The following DENND3 variants were observed in gnomAD, a reference collection of about 807,000 sequenced individuals.
The protein encoded by DENND3 is DENN domain containing 3, also known as DENN domain-containing protein 3.
Under a neutral mutation model 135.1 loss-of-function variants are expected in DENND3, and 88 were observed. The ratio of observed to expected loss-of-function variants is 0.65; its 90% CI spans 0.55 to 0.78. The LOEUF is 0.78. Ranked by LOEUF, DENND3 falls within the 30% of genes least tolerant of loss-of-function variation. The pLI is 0.00. For missense variants in DENND3, 1,392 were observed against 1,688.4 expected, an observed-to-expected ratio of 0.82 and a Z score of 3.08; for synonymous variants, 693 against 712.3, an observed-to-expected ratio of 0.97 and a Z score of 0.43.
chr8:141,131,651 A>G (rs925899854), intron 1 of DENND3, among the ~76,000 whole-genome samples: 1 of 152,246 alleles, frequency 6.6e-6, no homozygotes, highest in African/African-American at 2.4e-5. Flanking sequence ...TATTCCCTTA[A>G]TAATGGCCAA....
At chr8:141,191,036 T>C (rs1824681578) in intron 20 of DENND3, among the ~76,000 whole-genome samples, 1 of 152,272 alleles carries the variant, frequency 6.6e-6, no homozygotes, top group Admixed American at 6.5e-5. Context: ...TATGTTTTCT[T>C]TTTTGTAATG....
In DENND3 at chr8:141,176,726, A is replaced by G; in HGVS notation, c.2671A>G (p.Met891Val). ...CDLWHLMVKE[M>V]WAGKKLADDH... ...CCTTTGGCACCTGATGGTGAAGGAG[A>G]TGTGGGCTGGGAAGAAGCTGGCCGA... Residue 891 changes from methionine (M) to valine (V), a missense_variant, in exon 15 of 23, where the codon ATG (methionine) becomes GTG (valine). Coordinates refer to ENST00000519811, the MANE Select transcript of DENND3 (RefSeq NM_001352890.3). 1 of 1,614,016 alleles carries G rather than the reference A, an allele frequency of 6.2e-7. No homozygotes were observed. Among genetic ancestry groups the G allele is most frequent in the South Asian group, 1.1e-5 (1 of 91,076 alleles).
At chr8:141,192,830 C>A in intron 22 of DENND3, 167 bp downstream of exon 22, 1 of 1,549,384 alleles carries the variant, frequency 6.5e-7, no homozygotes, top group Non-Finnish European at 8.7e-7. Flanking sequence ...AACGGGCCCA[C>A]AGGTCACCAT....
intron 18 of DENND3, chr8:141,188,429 C>G (rs1426011120): frequency 6.6e-6 from 1 of 152,330 alleles, no homozygotes; most frequent in African/African-American, 2.4e-5. Flanking sequence ...CTAATATTTA[C>G]TTGTAACTCC....
Position 141,160,855 on chromosome 8 carries a change from G to A in DENND3, c.1352+68G>A, listed in dbSNP as rs537463743. 4.5e-6 allele frequency: 7 copies of A among 1,540,546 alleles called. No individual in the cohort carries two copies. The South Asian group carries it at 7.2e-5, about 16-fold the overall frequency. On this transcript the variant is annotated intron_variant, in intron 9 of 22. Coordinates refer to ENST00000519811, the MANE Select transcript of DENND3 (RefSeq NM_001352890.3). ...GCCAGCCATCCATTCTATGGGGATC[G>A]TGCACCCCGCCCCAGAGGGCAGGCC... is the stretch of plus-strand genomic sequence containing the variant.
intron 20 of DENND3, 129 bp from the exon 21 acceptor site, chr8:141,192,202 G>A: frequency 7.7e-7 from 1 of 1,305,248 alleles, no homozygotes; most frequent in Non-Finnish European, 1.0e-6. Context: ...GCATTCCTCA[G>A]GCGCCAGGTG....
chr8:141,187,321 C>T (rs903297733), intron 18 of DENND3, among the ~76,000 whole-genome samples: 65 of 151,232 alleles, frequency 4.3e-4, no homozygotes, highest in Admixed American at 1.2e-3. Context: ...GTGGCACAAT[C>T]GCTGCTTACT....
chr8:141,181,305 C>T (rs536557355), intron 17 of DENND3, among the ~76,000 whole-genome samples: 2 of 152,300 alleles, frequency 1.3e-5, no homozygotes, highest in South Asian at 2.1e-4. Context: ...ACCCCAGGCA[C>T]CCGCCACCAT....
intron 17 of DENND3, 24 bp downstream of exon 17, chr8:141,180,878 C>T (rs756825712): frequency 5.2e-5 from 83 of 1,590,104 alleles, no homozygotes; most frequent in Middle Eastern, 1.7e-4. Flanking sequence ...GCCCGCGCCT[C>T]GCTGCCAGTT....
chr8:141,150,259 C>G, intron 5 of DENND3: 1 of 1,232,014 alleles, frequency 8.1e-7, no homozygotes, highest in Non-Finnish European at 1.0e-6. Context: ...AGGAACTGAA[C>G]CTTCTCCTCT....
chr8:141,151,312 G>A (rs1818771861), intron 6 of DENND3, among the ~76,000 whole-genome samples: 1 of 152,142 alleles, frequency 6.6e-6, no homozygotes. Context: ...TGTAATCCCA[G>A]TACTTTGGGA....
chr8:141,195,188 C>T lies in DENND3; in HGVS notation c.*955C>T, dbSNP rs934112159. On this transcript the variant is annotated 3_prime_UTR_variant, in exon 23 of 23. Transcript: ENST00000519811. ...TGTACATAAATATTTGTAAAAGAGA[C>T]CCTTTGCACCTTTTTACTGTAATGT... 2.3e-4 allele frequency: 35 copies of T among 152,264 alleles called. No individual in the cohort carries two copies. The highest frequency in any genetic ancestry group is 7.0e-4 in the African/African-American group (29 of 41,460). 9.4% of individuals were successfully genotyped at this position (152,264 alleles called of 1,614,324 possible). A position where few individuals can be genotyped will look rare whatever the true frequency, so the allele number is the denominator to read the frequency against.
At chr8:141,192,059 C>A in intron 20 of DENND3, 1 of 364,992 alleles carries the variant, frequency 2.7e-6, no homozygotes. Context: ...TTTGCTTAAG[C>A]AGTCAATGAT....
chr8:141,142,622 G>A (rs1482603190), intron 4 of DENND3: 8 of 310,138 alleles, frequency 2.6e-5, no homozygotes, highest in African/African-American at 4.6e-5. Context: ...TGACTTGGTC[G>A]TAGCCAATGA....
At chr8:141,159,385 G>T (rs951691137) in intron 8 of DENND3, among the ~76,000 whole-genome samples, 3 of 152,158 alleles carry the variant, frequency 2.0e-5, no homozygotes, top group Non-Finnish European at 4.4e-5. Context: ...ATGCTGGGCC[G>T]CACTGGGTCC....
rs189051535 is a variant in DENND3 at position 141,149,242 on chromosome 8, T to C, written c.736-1592T>C. Among the ~76,000 whole-genome samples, 24 of 152,350 alleles carry C rather than the reference T, an allele frequency of 1.6e-4. No homozygotes were observed. The East Asian group carries it at 4.2e-3, about 27-fold the overall frequency. On this transcript the variant is annotated intron_variant, in intron 5 of 22. Transcript: ENST00000519811. ...CCTTATTTTTAACATGGCTTGCTTCTGTACACAAATTGGTAACAAGAAAGC... is the reference window on the plus strand; with the variant it reads ...CCTTATTTTTAACATGGCTTGCTTCCGTACACAAATTGGTAACAAGAAAGC...
Position 141,151,566 on chromosome 8 carries a change from T to C in DENND3, c.856-53T>C, listed in dbSNP as rs1025718686. Reference sequence around the variant, plus strand: ...GGGCAACACAGCGAGACCCTGTCTGTATTTTTTTTTTTTTTAAAAGCATGT... The same window carrying C: ...GGGCAACACAGCGAGACCCTGTCTGCATTTTTTTTTTTTTTAAAAGCATGT... On this transcript the variant is annotated intron_variant, in intron 6 of 22. Coordinates refer to ENST00000519811, the MANE Select transcript of DENND3 (RefSeq NM_001352890.3). 1.3e-5 allele frequency: 20 copies of C among 1,501,672 alleles called. No homozygotes were observed. In the African/African-American group the frequency reaches 2.0e-4, roughly 15 times the overall value. 93.0% of individuals were successfully genotyped at this position (1,501,672 alleles called of 1,614,324 possible).
chr8:141,188,793 G>A (rs533319600), intron 18 of DENND3, 193 bp from the exon 19 acceptor site: 5 of 627,242 alleles, frequency 8.0e-6, no homozygotes, highest in East Asian at 6.0e-5. Flanking sequence ...CAGAGCACGC[G>A]GAGAACAAGG....
intron 17 of DENND3, chr8:141,184,742 C>T (rs888692057): frequency 5.7e-6 from 1 of 174,944 alleles, no homozygotes; most frequent in Non-Finnish European, 1.2e-5. Flanking sequence ...GCACCATGGC[C>T]CCTGCCGCCG....
Sources: allele counts gnomAD v4.1 joint callset (sites outside exome capture counted in the v4.1 genomes callset), GRCh38; gene constraint gnomAD v4.1.1; transcripts MANE v1.5; gene names NCBI Gene and HGNC (gene_info 2026-07-23, HGNC 2026-07-21).